Variants in EDN1 observed in about 807,000 individuals in gnomAD.
The protein encoded by EDN1 is endothelin 1.
A neutral mutation model predicts 21.7 loss-of-function variants in EDN1; 11 were observed. The ratio of observed to expected loss-of-function variants is 0.51; its 90% CI spans 0.32 to 0.84. EDN1 has a LOEUF of 0.84. EDN1 is among the 40% of genes least tolerant of loss of function. The pLI is 0.03. For missense variants in EDN1, 244 were observed against 262.3 expected (o/e 0.93, Z 0.48); for synonymous variants, 85 against 90.6 (o/e 0.94, Z 0.35).
chr6:12,251,388 T>C, the EDN1 span, among the ~76,000 whole-genome samples: 1 of 152,228 alleles, frequency 6.6e-6, no homozygotes, highest in Admixed American at 6.5e-5. Flanking sequence ...ATGTGAATGA[T>C]ATCTCATCAA....
Position 12,296,024 on chromosome 6 carries a change from C to T in EDN1, c.596C>T (p.Pro199Leu), listed in dbSNP as rs767963465. Residue 199 changes from proline to leucine, a missense_variant, in exon 5 of 5, where the codon CCC becomes CTC. By Grantham distance (98) the Pro-to-Leu change is moderately conservative. Coordinates refer to ENST00000379375, the MANE Select transcript of EDN1 (RefSeq NM_001955.5). Reference protein sequence around the residue: ...SFHDPKLKGKPSRERYVTHNR... With the variant: ...SFHDPKLKGKLSRERYVTHNR... ...CATGATCCCAAGCTGAAAGGCAAGC[C>T]CTCCAGAGAGCGTTATGTGACCCAC... 9.9e-6 allele frequency: 16 copies of T among 1,613,990 alleles called. No homozygotes were observed. Among genetic ancestry groups the T allele is most frequent in the South Asian group, 4.4e-5 (4 of 91,082 alleles).
At chr6:12,266,324 G>A in the EDN1 span, among the ~76,000 whole-genome samples, 44 of 152,262 alleles carry the variant, frequency 2.9e-4, no homozygotes, top group African/African-American at 1.0e-3. Flanking sequence ...AGATACTCCA[G>A]AAACTCAAAA....
chr6:12,238,778 G>T, the EDN1 span, among the ~76,000 whole-genome samples: 6 of 152,182 alleles, frequency 3.9e-5, no homozygotes, highest in Non-Finnish European at 8.8e-5. Flanking sequence ...ACCCAGGCAG[G>T]CTGTGCAACC....
At chr6:12,294,918 G>GCCTTTT (rs1372942685) in intron 4 of EDN1, among the ~76,000 whole-genome samples, 2 of 32,698 alleles carry the variant, frequency 6.1e-5, no homozygotes, top group Admixed American at 3.7e-4. Flanking sequence ...CAGGTTTATG[G>GCCTTTT]TCTTTTTTTT....
At chr6:12,233,725 T>C in the EDN1 span, among the ~76,000 whole-genome samples, 11 of 152,178 alleles carry the variant, frequency 7.2e-5, no homozygotes, top group African/African-American at 2.7e-4. Context: ...ATACAGAGCC[T>C]CATGACCTGT....
chr6:12,236,779 T>TG, the EDN1 span, among the ~76,000 whole-genome samples: 42 of 151,268 alleles, frequency 2.8e-4, no homozygotes, highest in African/African-American at 4.9e-4. Context: ...TTTTTTTTTT[T>TG]TTGTTAGGAA....
the EDN1 span, among the ~76,000 whole-genome samples, chr6:12,260,750 A>G: frequency 6.6e-6 from 1 of 151,872 alleles, no homozygotes; most frequent in Non-Finnish European, 1.5e-5. Context: ...CCTTTATCAT[A>G]TTGTTTTTTT....
the EDN1 span, among the ~76,000 whole-genome samples, chr6:12,277,049 G>A: frequency 1.4e-4 from 22 of 152,140 alleles, no homozygotes; most frequent in Admixed American, 1.4e-3. Context: ...TATTATGCTG[G>A]TTGTTGGTCT....
the EDN1 span, among the ~76,000 whole-genome samples, chr6:12,260,520 A>G: frequency 6.6e-6 from 1 of 152,134 alleles, no homozygotes; most frequent in African/African-American, 2.4e-5. Flanking sequence ...TGATTTCTGC[A>G]GTAACAAATG....
the EDN1 span, among the ~76,000 whole-genome samples, chr6:12,268,539 C>G: frequency 6.6e-6 from 1 of 152,118 alleles, no homozygotes; most frequent in East Asian, 1.9e-4. Context: ...ATGTGGATAT[C>G]CAGTTTTCCT....
upstream of EDN1, chr6:12,290,217 G>A (rs1762636113): frequency 2.7e-5 from 6 of 223,764 alleles, no homozygotes; most frequent in South Asian, 3.9e-4. Context: ...TTCCTTTCGG[G>A]CCTGGCCTTA....
At chr6:12,295,827 G>A (rs906927763) in intron 4 of EDN1, 135 bp from the exon 5 acceptor site, 7 of 786,002 alleles carry the variant, frequency 8.9e-6, no homozygotes, top group Admixed American at 2.0e-5. Context: ...TTTTATCAAA[G>A]AGTTGCGGCG....
At chr6:12,260,052 AT>A in the EDN1 span, among the ~76,000 whole-genome samples, 1 of 152,118 alleles carries the variant, frequency 6.6e-6, no homozygotes, top group African/African-American at 2.4e-5. Context: ...CATTTGTTCC[AT>A]GCCGGAAACA....
At chr6:12,287,769 C>T (rs1262041509), upstream of EDN1, among the ~76,000 whole-genome samples, 1 of 151,428 alleles carries the variant, frequency 6.6e-6, no homozygotes, top group Non-Finnish European at 1.5e-5. Flanking sequence ...CGCGCGCGCG[C>T]GCGCAGGCAC....
the EDN1 span, among the ~76,000 whole-genome samples, chr6:12,239,103 T>C: frequency 0.012 from 1,783 of 152,302 alleles, 34 homozygotes; most frequent in African/African-American, 0.04. Flanking sequence ...ACAAGTTGAC[T>C]GAAGAACCTC....
the EDN1 span, among the ~76,000 whole-genome samples, chr6:12,283,918 C>G: frequency 6.6e-6 from 1 of 152,232 alleles, no homozygotes; most frequent in African/African-American, 2.4e-5. Context: ...CCCTTTAGAA[C>G]CTCCATTCAG....
the EDN1 span, among the ~76,000 whole-genome samples, chr6:12,246,849 A>G: frequency 6.6e-6 from 1 of 152,144 alleles, no homozygotes; most frequent in Non-Finnish European, 1.5e-5. Context: ...TCAGTTTTCC[A>G]TCTCAAACTG....
the EDN1 span, among the ~76,000 whole-genome samples, chr6:12,284,745 AAGG>A: frequency 0.14 from 14,910 of 104,722 alleles, 843 homozygotes; most frequent in East Asian, 0.22. Context: ...GGAAGGAAGG[AAGG>A]AAGAAAGAAA....
At chr6:12,293,533 G>C (rs1762741170) in intron 2 of EDN1, among the ~76,000 whole-genome samples, 1 of 152,202 alleles carries the variant, frequency 6.6e-6, no homozygotes, top group African/African-American at 2.4e-5. Context: ...AAAATCCTGT[G>C]AGTCATGGTT....
Sources: gnomAD v4.1 joint callset for allele counts (sites outside exome capture counted in the v4.1 genomes callset) on GRCh38, gnomAD v4.1.1 for gene constraint, MANE v1.5 for transcripts, NCBI Gene and HGNC (gene_info 2026-07-23, HGNC 2026-07-21) for gene names.